The following DLG2 variants were observed in gnomAD, a reference collection of about 807,000 sequenced individuals.
DLG2 encodes the protein disks large homolog 2.
Under a neutral mutation model 132.5 loss-of-function variants are expected in DLG2, and 45 were observed. The ratio of observed to expected loss-of-function variants is 0.34; its 90% CI spans 0.27 to 0.44. The LOEUF (loss-of-function observed/expected upper bound fraction) is 0.44, where lower values mean the gene tolerates loss of function less well. DLG2 is among the 20% of genes least tolerant of loss of function. The pLI, the probability that DLG2 is intolerant of heterozygous loss-of-function variation, is 1.00. For synonymous variants in DLG2, 424 were observed against 419.6 expected (o/e 1.01, Z -0.13); for missense variants, 1,045 against 1,196.9 (o/e 0.87, Z 1.87).
chr11:83,655,506 G>A (rs1446424309), intron 18 of DLG2, among the ~76,000 whole-genome samples: 1 of 152,102 alleles, frequency 6.6e-6, no homozygotes, highest in African/African-American at 2.4e-5. Flanking sequence ...GGGAGCAGAT[G>A]GATTAATCCC....
intron 19 of DLG2, among the ~76,000 whole-genome samples, chr11:83,595,231 G>A (rs939123835): frequency 1.3e-5 from 2 of 152,142 alleles, no homozygotes; most frequent in Non-Finnish European, 2.9e-5. Context: ...AAGCATTGCT[G>A]CACTGGGGTT....
intron 6 of DLG2, among the ~76,000 whole-genome samples, chr11:84,575,568 A>G (rs1360885825): frequency 1.3e-5 from 2 of 152,188 alleles, no homozygotes; most frequent in African/African-American, 4.8e-5. Flanking sequence ...TGTACATAGT[A>G]TATATATTTA....
intron 7 of DLG2, among the ~76,000 whole-genome samples, chr11:84,519,956 T>C (rs959167469): frequency 6.6e-6 from 1 of 152,182 alleles, no homozygotes; most frequent in Non-Finnish European, 1.5e-5. Flanking sequence ...AAAGGGGTCA[T>C]AGTTTTTCAA....
chr11:84,251,180 C>G (rs2097367101), intron 8 of DLG2, 58 bp downstream of exon 8: 1 of 1,044,186 alleles, frequency 9.6e-7, no homozygotes, highest in Non-Finnish European at 1.4e-6. Flanking sequence ...AATTTAAATT[C>G]AGCCAATTAA....
At chr11:84,830,288 G>C (rs2078860962) in intron 6 of DLG2, among the ~76,000 whole-genome samples, 1 of 151,110 alleles carries the variant, frequency 6.6e-6, no homozygotes, top group African/African-American at 2.4e-5. Context: ...GACCTTCACA[G>C]AATAAAAATG....
In DLG2 at chr11:85,427,533, A is replaced by G. The variant is rs142972366; in HGVS notation, c.41-142168T>C. On this transcript the variant is annotated intron_variant, in intron 3 of 27. Coordinates refer to ENST00000376104, the MANE Select transcript of DLG2 (RefSeq NM_001142699.3). ...TTCATATCCAGCCAAACTAAGCTTC[A>G]TAAGTGAAGGAGAAACAAAATCCTT... 6.5e-3 allele frequency among the ~76,000 whole-genome samples: 985 copies of G among 152,360 alleles called. 17 individuals carry two copies. Among genetic ancestry groups the G allele is most frequent in the African/African-American group, 0.023 (953 of 41,582 alleles).
In DLG2 at chr11:85,494,913, C is replaced by T. The variant is rs528941687; in HGVS notation, c.40+103744G>A. Among the ~76,000 whole-genome samples, 8 of 150,866 alleles carry T rather than the reference C, an allele frequency of 5.3e-5. No homozygotes were observed. In the South Asian group the frequency reaches 1.7e-3, roughly 32 times the overall value. Reference sequence around the variant, plus strand: ...ATACCATAAAAAAAACAGTGAAAAACATGCTACTAAATGAGACATTTATCC... The same window carrying T: ...ATACCATAAAAAAAACAGTGAAAAATATGCTACTAAATGAGACATTTATCC... On this transcript the variant is annotated intron_variant, in intron 3 of 27. Transcript: ENST00000376104.
intron 6 of DLG2, among the ~76,000 whole-genome samples, chr11:85,006,173 G>T (rs1592567753): frequency 6.6e-6 from 1 of 152,072 alleles, no homozygotes; most frequent in Admixed American, 6.6e-5. Flanking sequence ...AGGGATATTG[G>T]CCTGAAATTT....
At chr11:84,787,442 T>C (rs970624903) in intron 6 of DLG2, among the ~76,000 whole-genome samples, 1 of 152,164 alleles carries the variant, frequency 6.6e-6, no homozygotes. Flanking sequence ...AATTAATTTA[T>C]TCTTTCTAAA....
At chr11:85,256,179 G>A (rs2076654532) in intron 4 of DLG2, among the ~76,000 whole-genome samples, 1 of 152,050 alleles carries the variant, frequency 6.6e-6, no homozygotes, top group Non-Finnish European at 1.5e-5. Context: ...CCAAACCCCA[G>A]GTTCCATGAG....
chr11:84,975,444 T>C (rs2054756820), intron 6 of DLG2, among the ~76,000 whole-genome samples: 1 of 152,186 alleles, frequency 6.6e-6, no homozygotes, highest in Non-Finnish European at 1.5e-5. Flanking sequence ...CTTTTTAACC[T>C]GGCACTGGAA....
intron 6 of DLG2, among the ~76,000 whole-genome samples, chr11:85,070,269 T>A (rs2065635012): frequency 6.6e-6 from 1 of 151,446 alleles, no homozygotes; most frequent in Non-Finnish European, 1.5e-5. Context: ...AACCTGCATG[T>A]TGTGCACATG....
intron 2 of DLG2, among the ~76,000 whole-genome samples, chr11:85,609,665 A>C (rs2080849971): frequency 6.6e-6 from 1 of 152,190 alleles, no homozygotes; most frequent in Admixed American, 6.5e-5. Flanking sequence ...CCCAATAAGA[A>C]GACCCAACAA....
intron 17 of DLG2, chr11:83,790,602 A>C: frequency 1.5e-6 from 2 of 1,323,070 alleles, no homozygotes; most frequent in South Asian, 2.4e-5. Context: ...AAGTCCACTG[A>C]AGTTCCTTTG....
chr11:84,051,561 G>A (rs1182850379), intron 11 of DLG2, among the ~76,000 whole-genome samples: 1 of 148,874 alleles, frequency 6.7e-6, no homozygotes, highest in Non-Finnish European at 1.5e-5. Flanking sequence ...ACTCATAGGT[G>A]GGAACTGAAC....
chr11:84,714,593 CTTTCTTTCTCTTTCTCTT>C lies in DLG2; in HGVS notation c.358-179880_358-179863del, dbSNP rs2060891909. On this transcript the variant is annotated intron_variant, in intron 6 of 27. Coordinates refer to ENST00000376104, the MANE Select transcript of DLG2 (RefSeq NM_001142699.3). Reference sequence around the variant, plus strand: ...TCTTTCTCTTTCTCTTTCTCTTTCTCTTTCTTTCTCTTTCTCTTTCTCTTTCTCTTTCTCTCTCTCTCT... The same window carrying C: ...TCTTTCTCTTTCTCTTTCTCTTTCTCTCTCTTTCTCTTTCTCTCTCTCTCT... 3.5e-4 allele frequency among the ~76,000 whole-genome samples: 39 copies of C among 110,040 alleles called. 1 individual carries two copies. The highest frequency in any genetic ancestry group is 1.3e-3 in the African/African-American group (36 of 26,776). The allele number at this position is 110,040 out of a possible 152,430, so 72.2% of individuals were successfully genotyped here.
chr11:85,465,235 TG>T (rs2092747838), intron 3 of DLG2, among the ~76,000 whole-genome samples: 1 of 150,984 alleles, frequency 6.6e-6, no homozygotes, highest in Non-Finnish European at 1.5e-5. Flanking sequence ...CTCAAACTCC[TG>T]GGCTCAAGCA....
At chr11:85,079,386 C>A (rs372381298) in intron 6 of DLG2, among the ~76,000 whole-genome samples, 1 of 151,944 alleles carries the variant, frequency 6.6e-6, no homozygotes, top group Non-Finnish European at 1.5e-5. Flanking sequence ...ATGTGGACAA[C>A]CCATTCCCAT....
intron 7 of DLG2, among the ~76,000 whole-genome samples, chr11:84,279,496 G>A (rs1279857600): frequency 2.0e-5 from 3 of 152,178 alleles, no homozygotes; most frequent in African/African-American, 7.2e-5. Flanking sequence ...CTACTATAAG[G>A]ACAAATGCAC....
Sources: allele counts gnomAD v4.1 joint callset (sites outside exome capture counted in the v4.1 genomes callset), GRCh38; gene constraint gnomAD v4.1.1; transcripts MANE v1.5; gene names NCBI Gene and HGNC (gene_info 2026-07-23, HGNC 2026-07-21).